The following TLN2 variants were observed in gnomAD, a reference collection of about 807,000 sequenced individuals.
TLN2 encodes talin-2.
Under a neutral mutation model 294.7 loss-of-function variants are expected in TLN2, and 118 were observed. That is an observed-to-expected ratio of 0.40 (90% confidence interval 0.34 to 0.47). The LOEUF (loss-of-function observed/expected upper bound fraction) is 0.47. Among genes scored for constraint, TLN2 ranks in the 20% least tolerant of loss-of-function variants. TLN2 has a pLI of 0.84. For synonymous variants in TLN2, 1,431 were observed against 1,304.5 expected (o/e 1.10, Z -2.09); for missense variants, 3,083 against 3,282.2 (o/e 0.94, Z 1.48).
chr15:62,527,286 G>A (rs1042277279), intron 1 of TLN2, among the ~76,000 whole-genome samples: 6 of 152,170 alleles, frequency 3.9e-5, no homozygotes, highest in Middle Eastern at 3.2e-3. Context: ...ATATATGCTG[G>A]GTTCCCTTGT....
intron 9 of TLN2, among the ~76,000 whole-genome samples, chr15:62,664,442 A>C (rs1206972967): frequency 6.6e-6 from 1 of 152,110 alleles, no homozygotes; most frequent in Non-Finnish European, 1.5e-5. Context: ...AGAGGAAACA[A>C]GGTATTTCAG....
intron 21 of TLN2, among the ~76,000 whole-genome samples, chr15:62,711,537 C>T (rs549051413): frequency 8.5e-5 from 13 of 152,298 alleles, no homozygotes; most frequent in South Asian, 6.2e-4. Context: ...TTATTATAGA[C>T]GCTTTTGTGT....
At chr15:62,754,155 C>T (rs576288068) in intron 36 of TLN2, 161 of 428,288 alleles carry the variant, frequency 3.8e-4, no homozygotes, top group Non-Finnish European at 5.9e-4. Context: ...GAAGTAATCA[C>T]AGTGAGATTG....
intron 39 of TLN2, among the ~76,000 whole-genome samples, chr15:62,763,005 T>C (rs2062770296): frequency 6.6e-6 from 1 of 152,230 alleles, no homozygotes; most frequent in South Asian, 2.1e-4. Flanking sequence ...AACCAGTAAA[T>C]ACCTCGCAGC....
chr15:62,447,558 G>A (rs1056882025), intron 1 of TLN2, among the ~76,000 whole-genome samples: 2 of 149,796 alleles, frequency 1.3e-5, no homozygotes, highest in African/African-American at 2.5e-5. Context: ...GCAATGGCGC[G>A]ATCTTGCTCA....
At chr15:62,795,903 A>T (rs1201665910) in intron 46 of TLN2, among the ~76,000 whole-genome samples, 2 of 152,140 alleles carry the variant, frequency 1.3e-5, no homozygotes, top group African/African-American at 4.8e-5. Context: ...CATTTTACAG[A>T]TGAGGAAACT....
intron 1 of TLN2, among the ~76,000 whole-genome samples, chr15:62,525,224 T>A (rs1477825815): frequency 6.6e-6 from 1 of 152,212 alleles, no homozygotes; most frequent in Non-Finnish European, 1.5e-5. Flanking sequence ...TTTATTAAAG[T>A]TGATTTGCTA....
Position 62,613,660 on chromosome 15 carries a change from T to G in TLN2, c.-161-4691T>G, listed in dbSNP as rs555852732. Among the ~76,000 whole-genome samples the G allele has an allele frequency of 5.3e-5, 8 of 152,274 alleles. No individual in the cohort carries two copies. In the South Asian group the frequency reaches 1.5e-3, roughly 28 times the overall value. On this transcript the variant is annotated intron_variant, in intron 2 of 58. Coordinates refer to ENST00000636159, the MANE Select transcript of TLN2 (RefSeq NM_015059.3). ...GCAGGCCATTGGATACATGCACTCT[T>G]TACCGTAAGCTTTATTTGTAATAAC...
Position 62,840,935 on chromosome 15 carries a change from TGTTGGTCCTTC to T in TLN2, c.*326_*336del, listed in dbSNP as rs1228303867. ...TGTTGTTCTCAGACACTTTGGCTTT[TGTTGGTCCTTC>T]TCTTAGGCCTGCTCCTGGACCTCTT... On this transcript the variant is annotated 3_prime_UTR_variant, in exon 59 of 59. Coordinates refer to ENST00000636159, the MANE Select transcript of TLN2 (RefSeq NM_015059.3). 5 of 213,660 alleles carry T rather than the reference TGTTGGTCCTTC, an allele frequency of 2.3e-5. No homozygotes were observed. In the East Asian group the frequency reaches 5.2e-4, roughly 22 times the overall value. The allele number at this position is 213,660 out of a possible 1,614,324, so 13.2% of individuals were successfully genotyped here. A position where few individuals can be genotyped will look rare whatever the true frequency, so the allele number is the denominator to read the frequency against.
Position 62,781,126 on chromosome 15 carries a change from C to T in TLN2, c.5515-14C>T. ...CTTCTTATGACCTTTGGATTCTTTT[C>T]CTCTCCTCTGTAGCTGGATGAAGGC... On this transcript the variant is annotated splice_polypyrimidine_tract_variant and intron_variant, in intron 43 of 58. Transcript: ENST00000636159. 1.9e-6 allele frequency: 3 copies of T among 1,605,466 alleles called. No homozygotes were observed. Among genetic ancestry groups the T allele is most frequent in the Non-Finnish European group, 2.6e-6 (3 of 1,172,220 alleles).
chr15:62,465,141 A>C (rs1401629129), intron 1 of TLN2, among the ~76,000 whole-genome samples: 1 of 69,032 alleles, frequency 1.4e-5, no homozygotes. Flanking sequence ...TTTTGTTTTT[A>C]AGGCAAATGA....
At chr15:62,690,566 C>A (rs1469587715) in intron 12 of TLN2, 1 of 158,698 alleles carries the variant, frequency 6.3e-6, no homozygotes, top group Non-Finnish European at 1.3e-5. Flanking sequence ...ATATCCCAGA[C>A]GATGGGCGGC....
At chr15:62,468,510 C>A (rs1424678354) in intron 1 of TLN2, among the ~76,000 whole-genome samples, 1 of 152,024 alleles carries the variant, frequency 6.6e-6, no homozygotes, top group Non-Finnish European at 1.5e-5. Context: ...CTTTGGGAGG[C>A]CAAGGCAGGC....
chr15:62,564,076 T>C (rs970178366), intron 1 of TLN2, among the ~76,000 whole-genome samples: 1 of 152,210 alleles, frequency 6.6e-6, no homozygotes, highest in African/African-American at 2.4e-5. Context: ...AAAAACTTAC[T>C]GGTGGTGTTT....
intron 39 of TLN2, chr15:62,763,352 C>G: frequency 2.0e-6 from 1 of 490,652 alleles, no homozygotes; most frequent in Non-Finnish European, 3.4e-6. Context: ...TTCTTTCCAC[C>G]AGAAATAAGT....
At chr15:62,480,569 T>G (rs2038029243) in intron 1 of TLN2, among the ~76,000 whole-genome samples, 1 of 152,184 alleles carries the variant, frequency 6.6e-6, no homozygotes, top group Non-Finnish European at 1.5e-5. Context: ...GTTAGAAAAG[T>G]AATTTACAAC....
chr15:62,501,487 T>C lies in TLN2; in HGVS notation c.-237-88200T>C, dbSNP rs893474617. On this transcript the variant is annotated intron_variant, in intron 1 of 58. Transcript: ENST00000636159. ...GGATACACTTAGTTGTTTGGTTGGC[T>C]CTCAGAAAATGAAGCTTGCACTCAC... 2.0e-5 allele frequency among the ~76,000 whole-genome samples: 3 copies of C among 152,182 alleles called. No individual in the cohort carries two copies. The East Asian group carries it at 5.8e-4, about 29-fold the overall frequency.
chr15:62,431,261 C>T (rs560624600), intron 1 of TLN2, among the ~76,000 whole-genome samples: 1 of 152,212 alleles, frequency 6.6e-6, no homozygotes, highest in Non-Finnish European at 1.5e-5. Flanking sequence ...GGGAAATATA[C>T]TTACATATGT....
At chr15:62,630,348 A>T (rs2049675155) in intron 3 of TLN2, among the ~76,000 whole-genome samples, 1 of 152,192 alleles carries the variant, frequency 6.6e-6, no homozygotes, top group Non-Finnish European at 1.5e-5. Flanking sequence ...GAGAAAGTTG[A>T]GGAGGGCCAC....
Sources: gnomAD v4.1 joint callset for allele counts (sites outside exome capture counted in the v4.1 genomes callset) on GRCh38, gnomAD v4.1.1 for gene constraint, MANE v1.5 for transcripts, NCBI Gene and HGNC (gene_info 2026-07-23, HGNC 2026-07-21) for gene names.